Variants in ACCSL observed in about 807,000 individuals in gnomAD.
The protein encoded by ACCSL is probable inactive 1-aminocyclopropane-1-carboxylate synthase-like protein 2.
A neutral mutation model predicts 61.7 loss-of-function variants in ACCSL; 55 were observed. The observed-to-expected ratio is 0.89, with a 90% CI of 0.72 to 1.12. ACCSL has a LOEUF of 1.12. ACCSL is among the 50% of genes most tolerant of loss of function. ACCSL has a pLI of 0.00. For synonymous variants in ACCSL, 258 were observed against 264.3 expected, an observed-to-expected ratio of 0.98 and a Z score of 0.23; for missense variants, 632 against 698.0, an observed-to-expected ratio of 0.91 and a Z score of 1.07.
chr11:44,002,384 A>C, the ACCSL span, among the ~76,000 whole-genome samples: 1 of 152,164 alleles, frequency 6.6e-6, no homozygotes, highest in East Asian at 1.9e-4. Flanking sequence ...CACTCTTTGG[A>C]AGAAGTTTCT....
chr11:44,004,979 T>C, the ACCSL span, among the ~76,000 whole-genome samples: 1 of 152,094 alleles, frequency 6.6e-6, no homozygotes, highest in South Asian at 2.1e-4. Context: ...GGGACACTTG[T>C]AGGAGATATG....
the ACCSL span, among the ~76,000 whole-genome samples, chr11:44,031,260 A>G: frequency 1.3e-5 from 2 of 152,350 alleles, no homozygotes; most frequent in African/African-American, 4.8e-5. Context: ...CCCTTCCAGC[A>G]GAGGCTCCTG....
the ACCSL span, among the ~76,000 whole-genome samples, chr11:44,029,969 T>TTTTTATTTTA: frequency 0.03 from 2,852 of 94,502 alleles, 85 homozygotes; most frequent in Middle Eastern, 0.042. Flanking sequence ...CTGGGCCTTG[T>TTTTTATTTTA]TTTTATTTTA....
upstream of ACCSL, chr11:44,047,873 T>C (rs2134762797): frequency 1.3e-5 from 12 of 909,044 alleles, no homozygotes; most frequent in Non-Finnish European, 1.8e-5. Flanking sequence ...AATCTGGTCA[T>C]ATAACCAAGG....
the ACCSL span, chr11:43,971,448 G>T: frequency 6.6e-6 from 1 of 152,132 alleles, no homozygotes; most frequent in Non-Finnish European, 1.5e-5. Flanking sequence ...CACAGAAGAG[G>T]AAACTGAGGC....
At chr11:43,940,831 C>G in the ACCSL span, among the ~76,000 whole-genome samples, 4,184 of 152,220 alleles carry the variant, frequency 0.027, 73 homozygotes, top group African/African-American at 0.054. Context: ...TGCCCAGACA[C>G]TCTCTTCCCA....
At chr11:43,942,528 G>T in the ACCSL span, 2 of 242,040 alleles carry the variant, frequency 8.3e-6, no homozygotes, top group South Asian at 3.6e-5. Flanking sequence ...GACGTCAGGC[G>T]GAAGGGCGCG....
At chr11:44,003,451 A>G in the ACCSL span, among the ~76,000 whole-genome samples, 1 of 152,088 alleles carries the variant, frequency 6.6e-6, no homozygotes, top group East Asian at 1.9e-4. Context: ...CCAGGAGTTC[A>G]AGACCAGCCT....
intron 1 of ACCSL, among the ~76,000 whole-genome samples, chr11:44,049,861 T>G (rs1952624924): frequency 1.3e-5 from 2 of 152,254 alleles, no homozygotes; most frequent in Non-Finnish European, 2.9e-5. Flanking sequence ...AGGACATAAC[T>G]TATTTATGTG....
the ACCSL span, among the ~76,000 whole-genome samples, chr11:43,984,629 C>T: frequency 2.6e-5 from 4 of 152,218 alleles, no homozygotes; most frequent in Admixed American, 1.3e-4. Context: ...TTGTGGCGTC[C>T]GAAAGGACAT....
chr11:44,007,572 C>G, the ACCSL span, among the ~76,000 whole-genome samples: 1 of 152,136 alleles, frequency 6.6e-6, no homozygotes, highest in Non-Finnish European at 1.5e-5. Context: ...CTCATAGAGA[C>G]AAGGCCTTGG....
chr11:44,005,152 A>C, the ACCSL span, among the ~76,000 whole-genome samples: 1 of 144,684 alleles, frequency 6.9e-6, no homozygotes, highest in African/African-American at 2.5e-5. Context: ...TAGAGGGGTG[A>C]GGGGAACTGT....
At chr11:43,948,670 C>T in the ACCSL span, among the ~76,000 whole-genome samples, 3 of 151,952 alleles carry the variant, frequency 2.0e-5, no homozygotes, top group Non-Finnish European at 2.9e-5. Flanking sequence ...GATGGGGTCT[C>T]CCTATATGGC....
At chr11:44,050,225 G>T in intron 2 of ACCSL, 104 bp downstream of exon 2, 1 of 969,958 alleles carries the variant, frequency 1.0e-6, no homozygotes, top group South Asian at 1.3e-5. Flanking sequence ...TAGGAGCCTG[G>T]GAAGAGGAGT....
rs1295725566 is a variant in ACCSL, at chr11:44,058,333, A to C, written c.1344A>C (p.Val448=). 6 of 1,614,232 alleles carry C rather than the reference A, an allele frequency of 3.7e-6. No homozygotes were observed. Among genetic ancestry groups the C allele is most frequent in the Non-Finnish European group, 5.1e-6 (6 of 1,180,048 alleles). ...LLQNTEWIDK[V]YLPTNCYRLR... ...CCCATCCAGAATGGATTGACAAAGT[A>C]TACCTACCCACCAATTGCTACCGGC... The change falls in exon 12 of 14, where the codon GTA becomes GTC. Residue 448 remains valine (V), a synonymous_variant. Coordinates refer to ENST00000378832, the MANE Select transcript of ACCSL (RefSeq NM_001031854.2).
At chr11:44,057,507 C>T (rs1002232274) in intron 11 of ACCSL, among the ~76,000 whole-genome samples, 5 of 152,302 alleles carry the variant, frequency 3.3e-5, no homozygotes, top group Non-Finnish European at 4.4e-5. Flanking sequence ...TAAATACTGA[C>T]GTGTGTTCCA....
At chr11:43,940,383 TCTTG>T in the ACCSL span, among the ~76,000 whole-genome samples, 6 of 148,882 alleles carry the variant, frequency 4.0e-5, no homozygotes, top group African/African-American at 9.9e-5. Context: ...TGAGACGGAG[TCTTG>T]CTCCATTGCC....
chr11:44,057,812 G>C (rs1952680831), intron 11 of ACCSL, among the ~76,000 whole-genome samples: 2 of 152,224 alleles, frequency 1.3e-5, no homozygotes, highest in Admixed American at 1.3e-4. Context: ...GTCTCTACCA[G>C]AGCCTTAGAT....
the ACCSL span, among the ~76,000 whole-genome samples, chr11:44,016,438 T>A: frequency 6.6e-6 from 1 of 152,110 alleles, no homozygotes; most frequent in Non-Finnish European, 1.5e-5. Flanking sequence ...CTGGAGATGC[T>A]CAGCTAGACT....
Sources: allele counts gnomAD v4.1 joint callset (sites outside exome capture counted in the v4.1 genomes callset), GRCh38; gene constraint gnomAD v4.1.1; transcripts MANE v1.5; gene names NCBI Gene and HGNC (gene_info 2026-07-23, HGNC 2026-07-21).